The following ZFHX4 variants were observed in gnomAD, a reference collection of about 807,000 sequenced individuals.
The protein encoded by ZFHX4 is zinc finger homeobox 4, also known as zinc finger homeobox protein 4.
Under a neutral mutation model 267.6 loss-of-function variants are expected in ZFHX4, and 56 were observed. The ratio of observed to expected loss-of-function variants is 0.21; its 90% CI spans 0.17 to 0.26. The LOEUF is 0.26. Among genes scored for constraint, ZFHX4 ranks in the 10% least tolerant of loss-of-function variants. The pLI, the probability that ZFHX4 is intolerant of heterozygous loss-of-function variation, is 1.00. For missense variants in ZFHX4, 4,332 were observed against 4,420.0 expected, an observed-to-expected ratio of 0.98 and a Z score of 0.56; for synonymous variants, 1,778 against 1,665.6, an observed-to-expected ratio of 1.07 and a Z score of -1.64.
At chr8:76,787,626 C>T (rs1371964113) in intron 4 of ZFHX4, among the ~76,000 whole-genome samples, 1 of 144,694 alleles carries the variant, frequency 6.9e-6, no homozygotes, top group Non-Finnish European at 1.5e-5. Context: ...CACGGTGAAA[C>T]CCCATCTCCA....
At chr8:76,741,150 T>C (rs948621546) in intron 3 of ZFHX4, among the ~76,000 whole-genome samples, 23 of 152,032 alleles carry the variant, frequency 1.5e-4, no homozygotes, top group South Asian at 2.1e-4. Flanking sequence ...TAGGAGAAGA[T>C]GATGAAGTGC....
At chr8:76,754,562 CTTTAG>C (rs779043406) in intron 3 of ZFHX4, among the ~76,000 whole-genome samples, 1 of 151,870 alleles carries the variant, frequency 6.6e-6, no homozygotes, top group Admixed American at 6.6e-5. Context: ...TTTCCTTTTA[CTTTAG>C]TTTATAGATA....
chr8:76,832,392 C>T (rs1009380860), intron 4 of ZFHX4, among the ~76,000 whole-genome samples: 1 of 151,840 alleles, frequency 6.6e-6, no homozygotes, highest in Non-Finnish European at 1.5e-5. Context: ...TGAGGTTTAG[C>T]GAGGCTAAGT....
intron 4 of ZFHX4, among the ~76,000 whole-genome samples, chr8:76,794,873 TTGTG>T (rs71277761): frequency 0.063 from 9,000 of 143,090 alleles, 464 homozygotes; most frequent in African/African-American, 0.15. Context: ...TGGCCTGTCA[TTGTG>T]TGTGTGTGTG....
intron 4 of ZFHX4, among the ~76,000 whole-genome samples, chr8:76,822,543 A>G (rs562843268): frequency 7.0e-6 from 1 of 142,726 alleles, no homozygotes; most frequent in Admixed American, 7.4e-5. Flanking sequence ...GGCTCAAGTG[A>G]TCCTCCCCAC....
intron 4 of ZFHX4, among the ~76,000 whole-genome samples, chr8:76,808,601 A>G (rs1016792351): frequency 6.6e-6 from 1 of 152,170 alleles, no homozygotes. Context: ...TAAGTGTCGC[A>G]GTTAAGAGTC....
chr8:76,748,354 T>C (rs535785325), intron 3 of ZFHX4, among the ~76,000 whole-genome samples: 20 of 152,372 alleles, frequency 1.3e-4, no homozygotes, highest in African/African-American at 4.8e-4. Context: ...TCTTAACCAA[T>C]CAATTGCCAA....
chr8:76,708,649 A>G (rs1420246700), intron 3 of ZFHX4, among the ~76,000 whole-genome samples: 1 of 152,208 alleles, frequency 6.6e-6, no homozygotes, highest in Non-Finnish European at 1.5e-5. Flanking sequence ...TGTGGTATAG[A>G]TAAATATGCT....
At chr8:76,703,726 C>T (rs1260626095) in intron 1 of ZFHX4, 11 of 217,544 alleles carry the variant, frequency 5.1e-5, no homozygotes, top group Non-Finnish European at 8.3e-5. Context: ...AGAGTGGTCA[C>T]GTATATTGTG....
chr8:76,713,179 T>C (rs1029306286), intron 3 of ZFHX4, among the ~76,000 whole-genome samples: 1 of 152,132 alleles, frequency 6.6e-6, no homozygotes, highest in Non-Finnish European at 1.5e-5. Context: ...CATTCACATG[T>C]CAAGTAATAT....
At chr8:76,850,600 C>T (rs891441725) in intron 9 of ZFHX4, among the ~76,000 whole-genome samples, 1 of 152,312 alleles carries the variant, frequency 6.6e-6, no homozygotes, top group Non-Finnish European at 1.5e-5. Flanking sequence ...TTCATGAACA[C>T]CAAGGGATGG....
intron 4 of ZFHX4, among the ~76,000 whole-genome samples, chr8:76,804,209 G>A (rs1811190655): frequency 6.6e-6 from 1 of 152,064 alleles, no homozygotes; most frequent in Non-Finnish European, 1.5e-5. Flanking sequence ...ACTAATGGAA[G>A]CAACGTGAGG....
At position 76,707,814 on chromosome 8, in the gene ZFHX4, GCT is replaced by G; in HGVS notation, c.2861_2862del (p.Leu954GlnfsTer11). 6.2e-7 allele frequency: 1 copy of G among 1,614,000 alleles called. No homozygotes were observed. Among genetic ancestry groups the G allele is most frequent in the Non-Finnish European group, 8.5e-7 (1 of 1,179,966 alleles). ...QCKLCNYNTQ[L>X]KANFQLHCKT... is the part of the protein sequence containing the mutation. Reference sequence around the variant, plus strand: ...GCAAGCTCTGCAACTACAACACTCAGCTCAAAGCCAACTTCCAGCTACACTGC... The same window carrying G: ...GCAAGCTCTGCAACTACAACACTCAGCAAAGCCAACTTCCAGCTACACTGC... On this transcript the variant is annotated frameshift_variant, in exon 3 of 11. Coordinates refer to ENST00000651372, the MANE Select transcript of ZFHX4 (RefSeq NM_024721.5). LOFTEE classifies it high-confidence loss of function.
intron 3 of ZFHX4, among the ~76,000 whole-genome samples, chr8:76,709,501 T>C (rs1445843694): frequency 2.0e-5 from 3 of 152,146 alleles, no homozygotes; most frequent in African/African-American, 7.2e-5. Context: ...ACCTGGCCTA[T>C]TAAAACTTTT....
chr8:76,707,446 G>C, intron 2 of ZFHX4, 100 bp from the exon 3 acceptor site: 2 of 1,116,244 alleles, frequency 1.8e-6, no homozygotes, highest in South Asian at 3.5e-5. Context: ...TTAAGCTCTA[G>C]AGAAAGCACA....
rs764400194 is a variant in ZFHX4 at position 76,705,750 on chromosome 8, C to A, written c.1662C>A (p.Ile554=). 4 of 1,613,890 alleles carry A rather than the reference C, an allele frequency of 2.5e-6. No individual in the cohort carries two copies. The African/African-American group carries it at 5.3e-5, about 22-fold the overall frequency. ...ASGSVASNYG[I]SGKDFADASA... The stretch of plus-strand genomic sequence containing the variant: ...GCAGTGTTGCTAGTAACTATGGCAT[C>A]AGTGGCAAGGACTTTGCAGACGCAA... The change falls in exon 2 of 11, where the codon ATC becomes ATA. Residue 554 remains isoleucine, a synonymous_variant. Transcript: ENST00000651372.
At chr8:76,807,945 A>T (rs1255392173) in intron 4 of ZFHX4, among the ~76,000 whole-genome samples, 1 of 152,148 alleles carries the variant, frequency 6.6e-6, no homozygotes, top group Non-Finnish European at 1.5e-5. Flanking sequence ...GAAAACCCTG[A>T]TAAAAATAAA....
intron 1 of ZFHX4, among the ~76,000 whole-genome samples, chr8:76,690,613 G>T (rs1807798516): frequency 6.6e-6 from 1 of 151,910 alleles, no homozygotes; most frequent in South Asian, 2.1e-4. Flanking sequence ...AAGATTTCCT[G>T]AGCCCATTAA....
chr8:76,704,972 C>A lies in ZFHX4; in HGVS notation c.884C>A (p.Thr295Asn). 1.2e-6 allele frequency: 2 copies of A among 1,613,988 alleles called. No individual in the cohort carries two copies. Among genetic ancestry groups the A allele is most frequent in the Non-Finnish European group, 1.7e-6 (2 of 1,179,872 alleles). ...LSFGYIRSFV[T>N]HAVHDHRMTL... is the part of the protein sequence containing the mutation. The stretch of plus-strand genomic sequence containing the variant: ...TTTGGTTATATCAGGTCATTTGTAA[C>A]CCATGCTGTGCATGATCATCGGATG... The change falls in exon 2 of 11, where the codon ACC becomes AAC. Residue 295 changes from threonine (T) to asparagine (N), a missense_variant. Around this residue, in one of 7 missense-constraint regions of ZFHX4, gnomAD observed 1,195 missense variants for 1,173.6 expected, o/e 1.02. Coordinates refer to ENST00000651372, the MANE Select transcript of ZFHX4 (RefSeq NM_024721.5).
Sources: allele counts gnomAD v4.1 joint callset (sites outside exome capture counted in the v4.1 genomes callset), GRCh38; gene constraint gnomAD v4.1.1; regional missense constraint gnomAD v4.1.1; transcripts MANE v1.5; gene names NCBI Gene and HGNC (gene_info 2026-07-23, HGNC 2026-07-21).